The following ARL15 variants were observed in gnomAD, a reference collection of about 807,000 sequenced individuals.
ARL15 encodes the protein ARF like GTPase 15, also known as ADP-ribosylation factor-like protein 15.
A neutral mutation model predicts 25.2 loss-of-function variants in ARL15; 19 were observed. The ratio of observed to expected loss-of-function variants is 0.75; its 90% CI spans 0.53 to 1.10. The LOEUF is 1.10. Among genes scored for constraint, ARL15 ranks in the 50% least tolerant of loss-of-function variants. The pLI is 0.00. For missense variants in ARL15, 220 were observed against 246.0 expected (o/e 0.89, Z 0.71); for synonymous variants, 94 against 86.8 (o/e 1.08, Z -0.46).
intron 3 of ARL15, among the ~76,000 whole-genome samples, chr5:54,126,922 C>T (rs895020524): frequency 2.6e-5 from 4 of 151,720 alleles, no homozygotes; most frequent in African/African-American, 4.8e-5. Context: ...CATATGTATA[C>T]ATGTGCCATG....
At chr5:54,169,420 C>T (rs2112394496) in intron 2 of ARL15, among the ~76,000 whole-genome samples, 1 of 152,288 alleles carries the variant, frequency 6.6e-6, no homozygotes. Context: ...TTGGATACCA[C>T]TAAACTTCAC....
intron 4 of ARL15, among the ~76,000 whole-genome samples, chr5:53,937,002 A>G (rs1746367516): frequency 6.6e-6 from 1 of 152,196 alleles, no homozygotes; most frequent in African/African-American, 2.4e-5. Context: ...CAGAAAACAC[A>G]TGCTTTTGGA....
chr5:53,998,763 A>G (rs947778765), intron 4 of ARL15, among the ~76,000 whole-genome samples: 2 of 152,212 alleles, frequency 1.3e-5, no homozygotes, highest in African/African-American at 4.8e-5. Flanking sequence ...TACATGCAGC[A>G]GTTACAAAAT....
At chr5:54,212,965 T>A (rs1027509075) in intron 1 of ARL15, among the ~76,000 whole-genome samples, 4 of 152,192 alleles carry the variant, frequency 2.6e-5, no homozygotes, top group Admixed American at 2.0e-4. Context: ...AAATTAGATG[T>A]CTCTAAGGTC....
At chr5:54,048,389 TAA>T (rs1316219086) in intron 4 of ARL15, 17 of 129,700 alleles carry the variant, frequency 1.3e-4, no homozygotes, top group East Asian at 1.0e-3. Context: ...TATATATATA[TAA>T]ATTATATATA....
At chr5:54,073,890 A>G (rs1472860934) in intron 4 of ARL15, among the ~76,000 whole-genome samples, 2 of 152,212 alleles carry the variant, frequency 1.3e-5, no homozygotes, top group Non-Finnish European at 2.9e-5. Flanking sequence ...GCTGCTTCCT[A>G]GTTTTTCTAG....
At chr5:54,030,803 G>A (rs943088150) in intron 4 of ARL15, among the ~76,000 whole-genome samples, 2 of 152,180 alleles carry the variant, frequency 1.3e-5, no homozygotes, top group African/African-American at 4.8e-5. Context: ...AGGGCAAAGA[G>A]CACTAAAATG....
chr5:53,939,713 G>A (rs1746472303), intron 4 of ARL15, among the ~76,000 whole-genome samples: 1 of 151,378 alleles, frequency 6.6e-6, no homozygotes, highest in African/African-American at 2.4e-5. Flanking sequence ...CCAGCCTGGA[G>A]ATAAAGCGAG....
At chr5:54,236,742 T>A (rs536542039) in intron 1 of ARL15, among the ~76,000 whole-genome samples, 2 of 152,238 alleles carry the variant, frequency 1.3e-5, no homozygotes, top group African/African-American at 4.8e-5. Flanking sequence ...CTTCTTTTCT[T>A]CAAGTAATTA....
At chr5:53,952,594 T>C (rs537429493) in intron 4 of ARL15, among the ~76,000 whole-genome samples, 2 of 152,332 alleles carry the variant, frequency 1.3e-5, no homozygotes, top group Admixed American at 1.3e-4. Context: ...GGCTCAAAGT[T>C]AGTAGCAATT....
At chr5:54,276,870 C>A (rs1168457737) in intron 1 of ARL15, among the ~76,000 whole-genome samples, 1 of 152,044 alleles carries the variant, frequency 6.6e-6, no homozygotes, top group Non-Finnish European at 1.5e-5. Flanking sequence ...GCTAGAAGCA[C>A]AAAGGGGCAA....
intron 4 of ARL15, among the ~76,000 whole-genome samples, chr5:53,905,003 C>A (rs1423347326): frequency 6.6e-6 from 1 of 152,196 alleles, no homozygotes; most frequent in Non-Finnish European, 1.5e-5. Context: ...GCTAGGATTA[C>A]AGGTGTGAAC....
intron 4 of ARL15, among the ~76,000 whole-genome samples, chr5:53,950,025 G>T (rs1278370064): frequency 6.6e-6 from 1 of 152,166 alleles, no homozygotes; most frequent in Non-Finnish European, 1.5e-5. Context: ...AGAAAAAAAG[G>T]CACTACATAA....
chr5:54,229,237 C>T (rs930607648), intron 1 of ARL15, among the ~76,000 whole-genome samples: 5 of 152,144 alleles, frequency 3.3e-5, no homozygotes, highest in Admixed American at 2.0e-4. Context: ...GGTCAGCTAA[C>T]GACATCAAGT....
chr5:53,891,287 G>C (rs1014022174), intron 4 of ARL15, among the ~76,000 whole-genome samples: 6 of 152,176 alleles, frequency 3.9e-5, no homozygotes, highest in Non-Finnish European at 8.8e-5. Flanking sequence ...GTGTGAAAGA[G>C]AGTCATGTTC....
At chr5:54,230,365 A>G (rs886866974) in intron 1 of ARL15, among the ~76,000 whole-genome samples, 5 of 151,266 alleles carry the variant, frequency 3.3e-5, no homozygotes, top group African/African-American at 1.2e-4. Context: ...AAAAAAAAGA[A>G]AAGAAAAGAA....
chr5:54,161,641 G>C (rs1414345532), intron 2 of ARL15, among the ~76,000 whole-genome samples: 1 of 152,104 alleles, frequency 6.6e-6, no homozygotes, highest in Non-Finnish European at 1.5e-5. Context: ...TTATCTGTTA[G>C]ATTCTAGATG....
At chr5:53,915,699 C>T (rs1352403757) in intron 4 of ARL15, among the ~76,000 whole-genome samples, 3 of 152,018 alleles carry the variant, frequency 2.0e-5, no homozygotes, top group Non-Finnish European at 2.9e-5. Flanking sequence ...CTTGAAAAAG[C>T]GAAAGGAAGA....
intron 4 of ARL15, among the ~76,000 whole-genome samples, chr5:54,050,657 C>T (rs1579739920): frequency 6.6e-6 from 1 of 152,154 alleles, no homozygotes; most frequent in South Asian, 2.1e-4. Flanking sequence ...GAATATGAGG[C>T]TTTATAAACC....
Sources: allele counts gnomAD v4.1 joint callset (sites outside exome capture counted in the v4.1 genomes callset), GRCh38; gene constraint gnomAD v4.1.1; transcripts MANE v1.5; gene names NCBI Gene and HGNC (gene_info 2026-07-23, HGNC 2026-07-21).